The following PDE4D variants were observed in gnomAD, a reference collection of about 807,000 sequenced individuals.
PDE4D encodes 3',5'-cyclic-AMP phosphodiesterase 4D.
PDE4D carries 24 observed loss-of-function variants against 87.4 expected under a neutral mutation model. The ratio of observed to expected loss-of-function variants is 0.27; its 90% CI spans 0.20 to 0.39. The LOEUF (loss-of-function observed/expected upper bound fraction) is 0.39. PDE4D is among the 10% of genes least tolerant of loss of function. The pLI is 1.00. For synonymous variants in PDE4D, 384 were observed against 383.2 expected (o/e 1.00, Z -0.02); for missense variants, 714 against 1,041.0 (o/e 0.69, Z 4.32).
At chr5:59,564,520 G>A (rs1042531360) in intron 1 of PDE4D, among the ~76,000 whole-genome samples, 2 of 152,300 alleles carry the variant, frequency 1.3e-5, no homozygotes, top group South Asian at 4.1e-4. Context: ...ACACCCGGAT[G>A]GGGAAAACCC....
chr5:59,403,537 T>C lies in PDE4D; in HGVS notation c.456-187569A>G, dbSNP rs552169093. Among the ~76,000 whole-genome samples the C allele has an allele frequency of 2.0e-5, 3 of 152,260 alleles. No individual in the cohort carries two copies. The East Asian group carries it at 5.8e-4, about 29-fold the overall frequency. ...TCAATTCTTTTAATTTCCAGCTCCC[T>C]TAAATAGTGAGAATACGTGAAGATG... On this transcript the variant is annotated intron_variant, in intron 1 of 14. Transcript: ENST00000340635.
chr5:59,836,658 C>T (rs867755429), intron 1 of PDE4D, among the ~76,000 whole-genome samples: 9 of 120,870 alleles, frequency 7.4e-5, no homozygotes, highest in African/African-American at 4.3e-4. Context: ...ATCTATCTAT[C>T]ATCTATCTAC....
intron 1 of PDE4D, among the ~76,000 whole-genome samples, chr5:59,687,199 C>A (rs76169407): frequency 6.6e-6 from 1 of 151,982 alleles, no homozygotes; most frequent in Non-Finnish European, 1.5e-5. Flanking sequence ...AATTATAACA[C>A]CCTAAAAGAA....
At chr5:59,048,191 T>A (rs1007361634) in intron 5 of PDE4D, among the ~76,000 whole-genome samples, 2 of 152,212 alleles carry the variant, frequency 1.3e-5, no homozygotes, top group Non-Finnish European at 1.5e-5. Flanking sequence ...GTCTGGGAAG[T>A]TGTTTGAACA....
intron 5 of PDE4D, among the ~76,000 whole-genome samples, chr5:59,132,816 T>C (rs1208421980): frequency 1.3e-5 from 2 of 152,316 alleles, no homozygotes; most frequent in South Asian, 4.1e-4. Context: ...AATGTCCTTG[T>C]CAGTCCAAAC....
At chr5:59,024,421 A>G (rs1324334364) in intron 6 of PDE4D, among the ~76,000 whole-genome samples, 3 of 149,826 alleles carry the variant, frequency 2.0e-5, no homozygotes, top group Non-Finnish European at 3.0e-5. Context: ...CTAGTCTCTA[A>G]CTCCTGACCG....
chr5:59,814,019 C>A (rs1469215883), intron 1 of PDE4D, among the ~76,000 whole-genome samples: 3 of 152,066 alleles, frequency 2.0e-5, no homozygotes, highest in Non-Finnish European at 4.4e-5. Flanking sequence ...GATTCATACG[C>A]CTTAGGAAGA....
At chr5:59,379,753 A>G (rs564190903) in intron 1 of PDE4D, among the ~76,000 whole-genome samples, 1 of 152,254 alleles carries the variant, frequency 6.6e-6, no homozygotes, top group African/African-American at 2.4e-5. Context: ...TTGAATATAA[A>G]TATTTTAATA....
chr5:59,646,257 A>T (rs1212017245), intron 1 of PDE4D, among the ~76,000 whole-genome samples: 1 of 152,204 alleles, frequency 6.6e-6, no homozygotes, highest in Non-Finnish European at 1.5e-5. Context: ...AGTTGGTATA[A>T]AGCCTGGACC....
In PDE4D at chr5:59,627,361, T is replaced by G. The variant is rs139965654; in HGVS notation, c.455+265807A>C. Among the ~76,000 whole-genome samples the G allele has an allele frequency of 3.9e-5, 6 of 152,350 alleles. No homozygotes were observed. The East Asian group carries it at 1.2e-3, about 29-fold the overall frequency. The stretch of plus-strand genomic sequence containing the variant: ...ATTAAAATGATAGTAATAGAGGTTA[T>G]TTAAAAATGTTCCAAATTCTAGGGT... On this transcript the variant is annotated intron_variant, in intron 1 of 14. Transcript: ENST00000340635.
chr5:59,467,264 A>G (rs1158501349), intron 1 of PDE4D, among the ~76,000 whole-genome samples: 4 of 152,240 alleles, frequency 2.6e-5, no homozygotes, highest in Admixed American at 2.0e-4. Context: ...ATTCTATTAA[A>G]AAATGATTTT....
chr5:60,193,530 C>T (rs557461410), intron 1 of PDE4D, among the ~76,000 whole-genome samples: 3 of 151,140 alleles, frequency 2.0e-5, no homozygotes, highest in Non-Finnish European at 4.4e-5. Flanking sequence ...ATTAGCCGGG[C>T]GAGGTGGCGG....
rs563138575 is a variant in PDE4D at position 59,175,471 on chromosome 5, C to CTTTTTT, written c.808+5118_808+5123dup. ...TTCGGAACTCTATCCATTTTTCTTT[C>CTTTTTT]TTTTTTTTTTTTTTTTTTTTTTTTT... On this transcript the variant is annotated intron_variant, in intron 5 of 14. Coordinates refer to ENST00000340635, the MANE Select transcript of PDE4D (RefSeq NM_001104631.2). 5.2e-4 allele frequency among the ~76,000 whole-genome samples: 47 copies of CTTTTTT among 91,204 alleles called. 3 individuals are homozygous for CTTTTTT. The highest frequency in any genetic ancestry group is 9.6e-3 in the Middle Eastern group (1 of 104). The allele number at this position is 91,204 out of a possible 152,430, so 59.8% of individuals were successfully genotyped here.
At chr5:58,991,134 T>C (rs1032263498) in intron 8 of PDE4D, among the ~76,000 whole-genome samples, 3 of 151,898 alleles carry the variant, frequency 2.0e-5, no homozygotes, top group Non-Finnish European at 2.9e-5. Flanking sequence ...TAAAAAAAAT[T>C]AGTCAGGTGT....
At chr5:59,534,213 T>C (rs1199362400) in intron 1 of PDE4D, among the ~76,000 whole-genome samples, 3 of 152,192 alleles carry the variant, frequency 2.0e-5, no homozygotes, top group Non-Finnish European at 2.9e-5. Context: ...TAAAATTTTA[T>C]TGGCAACCCA....
chr5:59,465,431 T>C (rs967584054), intron 1 of PDE4D, among the ~76,000 whole-genome samples: 4 of 152,214 alleles, frequency 2.6e-5, no homozygotes, highest in African/African-American at 9.6e-5. Context: ...TGTTACATCC[T>C]AGGAGAAATA....
chr5:59,684,941 C>T (rs552690518), intron 1 of PDE4D, among the ~76,000 whole-genome samples: 1 of 152,334 alleles, frequency 6.6e-6, no homozygotes, highest in South Asian at 2.1e-4. Flanking sequence ...ACGTTTCCCT[C>T]AGCCTTAACT....
intron 1 of PDE4D, among the ~76,000 whole-genome samples, chr5:60,380,158 C>T (rs564381444): frequency 6.1e-4 from 93 of 152,210 alleles, no homozygotes; most frequent in African/African-American, 2.0e-3. Context: ...GACCATGATA[C>T]GGCAGTTATA....
At chr5:59,856,604 C>A (rs1745478456) in intron 1 of PDE4D, among the ~76,000 whole-genome samples, 1 of 152,116 alleles carries the variant, frequency 6.6e-6, no homozygotes, top group Admixed American at 6.6e-5. Context: ...TGCTCTGAGA[C>A]CTTTTCCTCT....
Sources: allele counts gnomAD v4.1 joint callset (sites outside exome capture counted in the v4.1 genomes callset), GRCh38; gene constraint gnomAD v4.1.1; transcripts MANE v1.5; gene names NCBI Gene and HGNC (gene_info 2026-07-23, HGNC 2026-07-21).